Variants in HMX3 observed in about 807,000 individuals in gnomAD.
HMX3 encodes homeobox protein HMX3.
Under a neutral mutation model 22.8 loss-of-function variants are expected in HMX3, and 8 were observed. The observed-to-expected ratio is 0.35, with a 90% CI of 0.21 to 0.63. The LOEUF is 0.63. Among genes scored for constraint, HMX3 ranks in the 30% least tolerant of loss-of-function variants. HMX3 has a pLI of 0.72. For missense variants in HMX3, 527 were observed against 520.6 expected, an observed-to-expected ratio of 1.01 and a Z score of -0.12; for synonymous variants, 331 against 250.9, an observed-to-expected ratio of 1.32 and a Z score of -3.02.
At position 123,139,095 on chromosome 10, in the gene HMX3, T is replaced by C. The variant is rs893854225; in HGVS notation, c.*1364T>C. 6.6e-6 allele frequency among the ~76,000 whole-genome samples: 1 copy of C among 152,138 alleles called. No homozygotes were observed. The highest frequency in any genetic ancestry group is 1.5e-5 in the Non-Finnish European group (1 of 68,022). ...GGGGGAAGAAAGAAACAAGCTTAGG[T>C]AGTGATGCTCAAAGGAGTAAGTTAG... On this transcript the variant is annotated 3_prime_UTR_variant, in exon 2 of 2. Transcript: ENST00000357878.
chr10:123,136,717 G>T lies in HMX3; in HGVS notation c.400+267G>T, dbSNP rs751586807. ...GGGCGTGAATAGGGAGGCTTCGGAC[G>T]GCCGGGGCTTGGGACACGGCCTGGA... On this transcript the variant is annotated intron_variant, in intron 1 of 1. Coordinates refer to ENST00000357878, the MANE Select transcript of HMX3 (RefSeq NM_001105574.2). The surrounding 1 kb of genome is among the most constrained non-coding windows in gnomAD (Gnocchi z 4.8). 7.9e-5 allele frequency among the ~76,000 whole-genome samples: 12 copies of T among 152,178 alleles called. No homozygotes were observed. Among genetic ancestry groups the T allele is most frequent in the Non-Finnish European group, 1.8e-4 (12 of 68,036 alleles).
rs1844083286 is a variant in HMX3 at position 123,136,965 on chromosome 10, G to T, written c.401-93G>T. ...CCTCATGGCCTGGGACCTGGAGGCC[G>T]GCGCGGGTTGAGCCTGCCGTCCCCA... On this transcript the variant is annotated intron_variant, in intron 1 of 1. Coordinates refer to ENST00000357878, the MANE Select transcript of HMX3 (RefSeq NM_001105574.2). This position sits in a 1 kb window ranked among gnomAD's most constrained non-coding sequence, Gnocchi z 4.8. 1.4e-6 allele frequency: 2 copies of T among 1,418,264 alleles called. No homozygotes were observed. The highest frequency in any genetic ancestry group is 1.9e-6 in the Non-Finnish European group (2 of 1,071,718). 87.9% of individuals were successfully genotyped at this position (1,418,264 alleles called of 1,614,324 possible).
At position 123,135,999 on chromosome 10, in the gene HMX3, C is replaced by T. The variant is rs1474641667; in HGVS notation, c.-52C>T. ...TCCGGCCTCTCGCCTGCTCGCCCCG[C>T]CGCCCGCCTGTCCCGCTCCCTCCCT... On this transcript the variant is annotated 5_prime_UTR_variant, in exon 1 of 2. Coordinates refer to ENST00000357878, the MANE Select transcript of HMX3 (RefSeq NM_001105574.2). 2 of 1,305,946 alleles carry T rather than the reference C, an allele frequency of 1.5e-6. No homozygotes were observed. The highest frequency in any genetic ancestry group is 9.8e-7 in the Non-Finnish European group (1 of 1,023,506). The allele number at this position is 1,305,946 out of a possible 1,614,324, so 80.9% of individuals were successfully genotyped here. A position where few individuals can be genotyped will look rare whatever the true frequency, so the allele number is the denominator to read the frequency against.
rs1306575847 is a variant in HMX3, at chr10:123,136,105, C to T, written c.55C>T (p.Pro19Ser). 6 of 1,383,640 alleles carry T rather than the reference C, an allele frequency of 4.3e-6. No homozygotes were observed. Among genetic ancestry groups the T allele is most frequent in the African/African-American group, 1.5e-5 (1 of 65,552 alleles). 85.7% of individuals were successfully genotyped at this position (1,383,640 alleles called of 1,614,324 possible). Residue 19 changes from proline to serine, a missense_variant, in exon 1 of 2, where the codon CCG becomes TCG. Transcript: ENST00000357878. The surrounding 1 kb of genome is among the most constrained non-coding windows in gnomAD (Gnocchi z 4.8). ...AGTASAQPQP[P>S]PPPPPAPKES... ...CACCGCCAGCGCACAGCCCCAACCGCCGCCGCCCCCCCCACCCGCTCCCAA... is the reference window on the plus strand; with the variant it reads ...CACCGCCAGCGCACAGCCCCAACCGTCGCCGCCCCCCCCACCCGCTCCCAA...
Position 123,137,019 on chromosome 10 carries a change from G to A in HMX3, c.401-39G>A, listed in dbSNP as rs1475824557. ...GCCGGGCCTCGCTCAAGGCTGTGTC[G>A]GTGTGCATGTGTGTGCGTCCGTCTG... On this transcript the variant is annotated intron_variant, in intron 1 of 1. Coordinates refer to ENST00000357878, the MANE Select transcript of HMX3 (RefSeq NM_001105574.2). This position sits in a 1 kb window ranked among gnomAD's most constrained non-coding sequence, Gnocchi z 5.8. The A allele has an allele frequency of 2.6e-6, 4 of 1,547,654 alleles. No individual in the cohort carries two copies. Among genetic ancestry groups the A allele is most frequent in the Non-Finnish European group, 3.5e-6 (4 of 1,149,332 alleles).
In HMX3 at chr10:123,137,368, C is replaced by G. The variant is rs377194232; in HGVS notation, c.711C>G (p.Ser237Arg). Residue 237 changes from serine to arginine, a missense_variant, in exon 2 of 2, where the codon AGC (serine) becomes AGG (arginine). Around this residue, in one of 3 missense-constraint regions of HMX3, gnomAD observed 41 missense variants for 80.6 expected, o/e 0.51. Coordinates refer to ENST00000357878, the MANE Select transcript of HMX3 (RefSeq NM_001105574.2). The surrounding 1 kb of genome is among the most constrained non-coding windows in gnomAD (Gnocchi z 5.8). Reference sequence around the variant, plus strand: ...AGACGCGCACAGTCTTCTCGCGCAGCCAGGTCTTCCAGCTCGAGTCCACCT... The same window carrying G: ...AGACGCGCACAGTCTTCTCGCGCAGGCAGGTCTTCCAGCTCGAGTCCACCT... Reference protein sequence around the residue: ...KKKTRTVFSRSQVFQLESTFD... With the variant: ...KKKTRTVFSRRQVFQLESTFD... 2.5e-6 allele frequency: 4 copies of G among 1,613,348 alleles called. No homozygotes were observed. The African/African-American group carries it at 4.0e-5, about 16-fold the overall frequency.
In HMX3 at chr10:123,139,345, GAA is replaced by G. The variant is rs71245400; in HGVS notation, c.*1623_*1624del. Among the ~76,000 whole-genome samples, 1 of 147,670 alleles carries G rather than the reference GAA, an allele frequency of 6.8e-6. No homozygotes were observed. Among genetic ancestry groups the G allele is most frequent in the African/African-American group, 2.5e-5 (1 of 40,164 alleles). Reference sequence around the variant, plus strand: ...GTTGAGTCCCTTTTTAAGAAAAAGAGAAAAAAAAAACCCACAAAATATTGTTA... The same window carrying G: ...GTTGAGTCCCTTTTTAAGAAAAAGAGAAAAAAAACCCACAAAATATTGTTA... On this transcript the variant is annotated 3_prime_UTR_variant, in exon 2 of 2. Transcript: ENST00000357878.
In HMX3 at chr10:123,138,322, G is replaced by C. The variant is rs1844101098; in HGVS notation, c.*591G>C. On this transcript the variant is annotated 3_prime_UTR_variant, in exon 2 of 2. Coordinates refer to ENST00000357878, the MANE Select transcript of HMX3 (RefSeq NM_001105574.2). ...GTGCCACCACGTCCGGCTAATTTTT[G>C]TATTTTTAGTAGAGACGCGGTTTCA... Among the ~76,000 whole-genome samples the C allele has an allele frequency of 6.6e-6, 1 of 151,916 alleles. No individual in the cohort carries two copies. The highest frequency in any genetic ancestry group is 6.6e-5 in the Admixed American group (1 of 15,256).
rs1317538899 is a variant in HMX3, at chr10:123,137,822, C to T, written c.*91C>T. ...GGGCCGAGGGCGCCGAGAAGTCCAG[C>T]GGCCTTCAGGAACTGGGGCTTGGGC... On this transcript the variant is annotated 3_prime_UTR_variant, in exon 2 of 2. Transcript: ENST00000357878. The surrounding 1 kb of genome is among the most constrained non-coding windows in gnomAD (Gnocchi z 5.8). 2 of 1,000,112 alleles carry T rather than the reference C, an allele frequency of 2.0e-6. No homozygotes were observed. Among genetic ancestry groups the T allele is most frequent in the Admixed American group, 7.1e-5 (2 of 28,268 alleles). 62.0% of individuals were successfully genotyped at this position (1,000,112 alleles called of 1,614,324 possible). A position where few individuals can be genotyped will look rare whatever the true frequency, so the allele number is the denominator to read the frequency against.
Position 123,136,475 on chromosome 10 carries a change from GTTGTCC to G in HMX3, c.400+26_400+31del. On this transcript the variant is annotated intron_variant, in intron 1 of 1. Transcript: ENST00000357878. This position sits in a 1 kb window ranked among gnomAD's most constrained non-coding sequence, Gnocchi z 4.8. Reference sequence around the variant, plus strand: ...GGTACCGACCTCTCTTTGAACTTTCGTTGTCCCCCTGCGCGCCCGCCCCGTCCCCGC... The same window carrying G: ...GGTACCGACCTCTCTTTGAACTTTCGCCCTGCGCGCCCGCCCCGTCCCCGC... 2 of 1,347,942 alleles carry G rather than the reference GTTGTCC, an allele frequency of 1.5e-6. No individual in the cohort carries two copies. Among genetic ancestry groups the G allele is most frequent in the Non-Finnish European group, 1.9e-6 (2 of 1,040,074 alleles). The allele number at this position is 1,347,942 out of a possible 1,614,324, so 83.5% of individuals were successfully genotyped here. A position where few individuals can be genotyped will look rare whatever the true frequency, so the allele number is the denominator to read the frequency against.
rs1844101622 is a variant in HMX3, at chr10:123,138,373, C to T, written c.*642C>T. Among the ~76,000 whole-genome samples the T allele has an allele frequency of 6.6e-6, 1 of 152,144 alleles. No homozygotes were observed. The highest frequency in any genetic ancestry group is 2.4e-5 in the African/African-American group (1 of 41,416). ...CCATGTTGGCCAGGCTGGTCTTGAG[C>T]TCCTGACCTCGTGATCCGCCCGCCT... On this transcript the variant is annotated 3_prime_UTR_variant, in exon 2 of 2. Transcript: ENST00000357878.
rs1363091714 is a variant in HMX3, at chr10:123,138,243, G to A, written c.*512G>A. On this transcript the variant is annotated 3_prime_UTR_variant, in exon 2 of 2. Coordinates refer to ENST00000357878, the MANE Select transcript of HMX3 (RefSeq NM_001105574.2). ...CGGCTCACTTCGACCTCCGCCTCCC[G>A]GGTTCAAGTGATTCTCCTGTCTCAG... Among the ~76,000 whole-genome samples the A allele has an allele frequency of 6.8e-6, 1 of 146,888 alleles. No homozygotes were observed. Among genetic ancestry groups the A allele is most frequent in the African/African-American group, 2.5e-5 (1 of 40,072 alleles).
Position 123,136,377 on chromosome 10 carries a change from C to T in HMX3, c.327C>T (p.Tyr109=), listed in dbSNP as rs1397405435. Reference sequence around the variant, plus strand: ...AGAGGTTTGCCCTGCCCGCGCACTACCTGGAGCGCTCCCCAGCCTGGTGGT... The same window carrying T: ...AGAGGTTTGCCCTGCCCGCGCACTATCTGGAGCGCTCCCCAGCCTGGTGGT... ...PAQRFALPAH[Y]LERSPAWWYP... The change falls in exon 1 of 2, where the codon TAC becomes TAT. Residue 109 remains tyrosine (Y), a synonymous_variant. Coordinates refer to ENST00000357878, the MANE Select transcript of HMX3 (RefSeq NM_001105574.2). The surrounding 1 kb of genome is among the most constrained non-coding windows in gnomAD (Gnocchi z 4.8). 3 of 1,565,632 alleles carry T rather than the reference C, an allele frequency of 1.9e-6. No homozygotes were observed. The highest frequency in any genetic ancestry group is 1.2e-5 in the South Asian group (1 of 86,156).
rs967865153 is a variant in HMX3 at position 123,136,001 on chromosome 10, G to T, written c.-50G>T. 1.5e-6 allele frequency: 2 copies of T among 1,293,638 alleles called. No individual in the cohort carries two copies. The highest frequency in any genetic ancestry group is 2.0e-6 in the Non-Finnish European group (2 of 1,016,612). The allele number at this position is 1,293,638 out of a possible 1,614,324, so 80.1% of individuals were successfully genotyped here. A position where few individuals can be genotyped will look rare whatever the true frequency, so the allele number is the denominator to read the frequency against. ...CGGCCTCTCGCCTGCTCGCCCCGCC[G>T]CCCGCCTGTCCCGCTCCCTCCCTCC... On this transcript the variant is annotated 5_prime_UTR_variant, in exon 1 of 2. Transcript: ENST00000357878. This position sits in a 1 kb window ranked among gnomAD's most constrained non-coding sequence, Gnocchi z 4.8.
In HMX3 at chr10:123,137,159, G is replaced by C; in HGVS notation, c.502G>C (p.Asp168His). 6.2e-7 allele frequency: 1 copy of C among 1,606,126 alleles called. No individual in the cohort carries two copies. Among genetic ancestry groups the C allele is most frequent in the Non-Finnish European group, 8.5e-7 (1 of 1,176,492 alleles). ...LKADPDHKEL[D>H]SKSPDEIILE... ...GGCCGACCCCGATCACAAGGAGCTG[G>C]ACTCCAAGAGCCCGGACGAGATCAT... The change falls in exon 2 of 2, where the codon GAC becomes CAC. Residue 168 changes from aspartate to histidine, a missense_variant. Around this residue, in one of 3 missense-constraint regions of HMX3, gnomAD observed 386 missense variants for 337.8 expected, o/e 1.14. Coordinates refer to ENST00000357878, the MANE Select transcript of HMX3 (RefSeq NM_001105574.2). The surrounding 1 kb of genome is among the most constrained non-coding windows in gnomAD (Gnocchi z 5.8).
At position 123,137,173 on chromosome 10, in the gene HMX3, G is replaced by C. The variant is rs764439674; in HGVS notation, c.516G>C (p.Pro172=). Residue 172 remains proline (P), a synonymous_variant, in exon 2 of 2, where the codon CCG becomes CCC. Coordinates refer to ENST00000357878, the MANE Select transcript of HMX3 (RefSeq NM_001105574.2). This position sits in a 1 kb window ranked among gnomAD's most constrained non-coding sequence, Gnocchi z 5.8. ...ACAAGGAGCTGGACTCCAAGAGCCC[G>C]GACGAGATCATTCTGGAGGAGAGCG... ...PDHKELDSKS[P]DEIILEESDS... The C allele has an allele frequency of 1.9e-6, 3 of 1,603,764 alleles. No homozygotes were observed. Among genetic ancestry groups the C allele is most frequent in the Non-Finnish European group, 2.6e-6 (3 of 1,175,290 alleles).
In HMX3 at chr10:123,138,670, T is replaced by C. The variant is rs1182818839; in HGVS notation, c.*939T>C. Among the ~76,000 whole-genome samples the C allele has an allele frequency of 6.6e-6, 1 of 152,178 alleles. No homozygotes were observed. The highest frequency in any genetic ancestry group is 1.5e-5 in the Non-Finnish European group (1 of 68,028). On this transcript the variant is annotated 3_prime_UTR_variant, in exon 2 of 2. Coordinates refer to ENST00000357878, the MANE Select transcript of HMX3 (RefSeq NM_001105574.2). The stretch of plus-strand genomic sequence containing the variant: ...CTGTTGCAATTAGCCTCTTCATCGG[T>C]CTTACTTTGTGATGGAAGAATTCTC...
At position 123,136,606 on chromosome 10, in the gene HMX3, C is replaced by A. The variant is rs1233245967; in HGVS notation, c.400+156C>A. On this transcript the variant is annotated intron_variant, in intron 1 of 1. Coordinates refer to ENST00000357878, the MANE Select transcript of HMX3 (RefSeq NM_001105574.2). This position sits in a 1 kb window ranked among gnomAD's most constrained non-coding sequence, Gnocchi z 4.8. ...CCTAGCCTGCCCTCGCGCTGGGTTG[C>A]GCTGCCCGTTAATCCAATCCCACTT... Among the ~76,000 whole-genome samples the A allele has an allele frequency of 6.6e-6, 1 of 152,176 alleles. No individual in the cohort carries two copies. Among genetic ancestry groups the A allele is most frequent in the Non-Finnish European group, 1.5e-5 (1 of 68,028 alleles).
In HMX3 at chr10:123,136,582, C is replaced by T; in HGVS notation, c.400+132C>T. 1 of 651,888 alleles carries T rather than the reference C, an allele frequency of 1.5e-6. No individual in the cohort carries two copies. The allele number at this position is 651,888 out of a possible 1,614,324, so 40.4% of individuals were successfully genotyped here. On this transcript the variant is annotated intron_variant, in intron 1 of 1. Coordinates refer to ENST00000357878, the MANE Select transcript of HMX3 (RefSeq NM_001105574.2). This position sits in a 1 kb window ranked among gnomAD's most constrained non-coding sequence, Gnocchi z 4.8. The stretch of plus-strand genomic sequence containing the variant: ...CTGCTCGGTCAGTTTTTTTCGGCCC[C>T]TAGCCTGCCCTCGCGCTGGGTTGCG...
Sources: allele counts gnomAD v4.1 joint callset (sites outside exome capture counted in the v4.1 genomes callset), GRCh38; gene constraint gnomAD v4.1.1; regional missense constraint gnomAD v4.1.1; non-coding constraint Gnocchi (gnomAD v3.1); transcripts MANE v1.5; gene names NCBI Gene and HGNC (gene_info 2026-07-23, HGNC 2026-07-21).